Variants in EBF1 observed in about 807,000 individuals in gnomAD.
The protein encoded by EBF1 is EBF transcription factor 1, also known as transcription factor COE1.
A neutral mutation model predicts 68.4 loss-of-function variants in EBF1; 10 were observed. The observed-to-expected ratio is 0.15, with a 90% CI of 0.09 to 0.25. The LOEUF (loss-of-function observed/expected upper bound fraction) is 0.25. Ranked by LOEUF, EBF1 falls within the 10% of genes least tolerant of loss-of-function variation. The probability of loss-of-function intolerance (pLI) is 1.00; values close to 1 mark genes in which losing one functional copy is unlikely to be tolerated. For missense variants in EBF1, 509 were observed against 794.4 expected, an observed-to-expected ratio of 0.64 and a Z score of 4.32; for synonymous variants, 298 against 299.8, an observed-to-expected ratio of 0.99 and a Z score of 0.06.
At chr5:158,726,034 G>A (rs1293569122) in intron 11 of EBF1, among the ~76,000 whole-genome samples, 1 of 152,156 alleles carries the variant, frequency 6.6e-6, no homozygotes, top group Non-Finnish European at 1.5e-5. Context: ...CTTCTGACAA[G>A]CAGAAACATT....
At chr5:158,932,336 C>T (rs1337331744) in intron 6 of EBF1, among the ~76,000 whole-genome samples, 1 of 152,048 alleles carries the variant, frequency 6.6e-6, no homozygotes, top group Admixed American at 6.5e-5. Context: ...TCTCAGAATG[C>T]ATATTAATAA....
chr5:158,833,297 CAAA>C (rs56221213), intron 7 of EBF1, among the ~76,000 whole-genome samples: 8 of 135,362 alleles, frequency 5.9e-5, no homozygotes, highest in South Asian at 2.5e-4. Context: ...GACTCCATCT[CAAA>C]AAAAAAAAAA....
rs1162326007 is a variant in EBF1, at chr5:158,879,218, T to C, written c.555-39108A>G. Among the ~76,000 whole-genome samples the C allele has an allele frequency of 2.0e-5, 3 of 152,202 alleles. No individual in the cohort carries two copies. In the East Asian group the frequency reaches 5.8e-4, roughly 29 times the overall value. On this transcript the variant is annotated intron_variant, in intron 6 of 15. Coordinates refer to ENST00000313708, the MANE Select transcript of EBF1 (RefSeq NM_024007.5). ...TACAGTATGTAACTGGGCACATATATGTGATCAATGATCACAATGGTGAAC... is the reference window on the plus strand; with the variant it reads ...TACAGTATGTAACTGGGCACATATACGTGATCAATGATCACAATGGTGAAC...
chr5:159,016,542 T>C (rs970683469), intron 6 of EBF1, among the ~76,000 whole-genome samples: 6 of 152,170 alleles, frequency 3.9e-5, no homozygotes, highest in Non-Finnish European at 8.8e-5. Context: ...TTTCATCTAA[T>C]AGAAAATAAG....
At chr5:158,733,262 T>A (rs908564551) in intron 10 of EBF1, among the ~76,000 whole-genome samples, 3 of 152,200 alleles carry the variant, frequency 2.0e-5, no homozygotes, top group Non-Finnish European at 4.4e-5. Context: ...AAATGCATCA[T>A]TTTAATATCT....
intron 10 of EBF1, among the ~76,000 whole-genome samples, chr5:158,774,181 A>C (rs967541480): frequency 1.3e-5 from 2 of 152,068 alleles, no homozygotes; most frequent in Admixed American, 1.3e-4. Flanking sequence ...GCAGCTATGG[A>C]TTCCTCGTGC....
At chr5:158,746,558 C>A (rs1452015436) in intron 10 of EBF1, among the ~76,000 whole-genome samples, 2 of 152,068 alleles carry the variant, frequency 1.3e-5, no homozygotes. Context: ...TTCCTTCTAA[C>A]TGGAATTAAG....
intron 10 of EBF1, among the ~76,000 whole-genome samples, chr5:158,760,082 T>C (rs1190517487): frequency 6.6e-6 from 1 of 152,178 alleles, no homozygotes; most frequent in African/African-American, 2.4e-5. Flanking sequence ...GCCAAGTAGA[T>C]TTGTCCTTTA....
At chr5:158,908,641 T>C (rs1805191151) in intron 6 of EBF1, among the ~76,000 whole-genome samples, 1 of 152,208 alleles carries the variant, frequency 6.6e-6, no homozygotes, top group Non-Finnish European at 1.5e-5. Context: ...CCAACCTCAT[T>C]TTAAATATGG....
At chr5:158,783,271 T>C (rs574387494) in intron 9 of EBF1, among the ~76,000 whole-genome samples, 2 of 152,310 alleles carry the variant, frequency 1.3e-5, no homozygotes, top group South Asian at 4.1e-4. Flanking sequence ...ATGAGAAAAA[T>C]GTTATTTAAA....
intron 8 of EBF1, among the ~76,000 whole-genome samples, chr5:158,809,770 A>T (rs1416784243): frequency 6.6e-6 from 1 of 152,200 alleles, no homozygotes; most frequent in Non-Finnish European, 1.5e-5. Context: ...CTGAACATCT[A>T]ACACAAACGA....
Position 158,699,141 on chromosome 5 carries a change from C to T in EBF1, c.1746G>A (p.Ala582=), listed in dbSNP as rs772391057. The change falls in exon 16 of 16, where the codon GCG becomes GCA. Residue 582 remains alanine, a splice_region_variant and synonymous_variant. Transcript: ENST00000313708. ...TAGGAGGAACAATCATGCCAGATATCGCTATGAAAGAAAAGACAGAAGTCA... is the reference window on the plus strand; with the variant it reads ...TAGGAGGAACAATCATGCCAGATATTGCTATGAAAGAAAAGACAGAAGTCA... The part of the protein sequence containing the change: ...CTSTNGNSLQ[A]ISGMIVPPM 7 of 1,605,638 alleles carry T rather than the reference C, an allele frequency of 4.4e-6. No individual in the cohort carries two copies. The African/African-American group carries it at 8.1e-5, about 19-fold the overall frequency.
chr5:158,715,625 A>G (rs1467585165), intron 11 of EBF1, among the ~76,000 whole-genome samples: 1 of 152,224 alleles, frequency 6.6e-6, no homozygotes, highest in Non-Finnish European at 1.5e-5. Flanking sequence ...AGTAAAGAAC[A>G]TTATATAATC....
At chr5:158,812,183 TGTTA>T (rs1262685661) in intron 8 of EBF1, among the ~76,000 whole-genome samples, 1 of 152,154 alleles carries the variant, frequency 6.6e-6, no homozygotes, top group Non-Finnish European at 1.5e-5. Context: ...AATAAACATG[TGTTA>T]GTGTTAAATA....
chr5:158,835,081 T>TACCA (rs1788451673), intron 7 of EBF1, among the ~76,000 whole-genome samples: 1 of 152,190 alleles, frequency 6.6e-6, no homozygotes, highest in African/African-American at 2.4e-5. Context: ...CCAATTAGTG[T>TACCA]GCTATGAGAA....
intron 10 of EBF1, among the ~76,000 whole-genome samples, chr5:158,745,635 T>G (rs1767398607): frequency 6.6e-6 from 1 of 152,156 alleles, no homozygotes; most frequent in Non-Finnish European, 1.5e-5. Context: ...ATAATCTCAT[T>G]TGAATTTAGG....
intron 9 of EBF1, among the ~76,000 whole-genome samples, chr5:158,779,373 T>A (rs1360123292): frequency 6.6e-6 from 1 of 152,148 alleles, no homozygotes; most frequent in Non-Finnish European, 1.5e-5. Context: ...TCCTTTGTAA[T>A]CATAGAGAAA....
intron 2 of EBF1, 160 bp from the exon 3 acceptor site, chr5:159,096,566 C>T (rs1782645302): frequency 2.7e-6 from 2 of 748,802 alleles, no homozygotes; most frequent in Non-Finnish European, 2.2e-6. Context: ...GTGATCCCTC[C>T]TCCGCCCCCT....
intron 7 of EBF1, among the ~76,000 whole-genome samples, chr5:158,829,610 GTAT>G (rs1425713375): frequency 2.0e-5 from 3 of 152,068 alleles, no homozygotes; most frequent in South Asian, 2.1e-4. Context: ...GGTTGAGAAG[GTAT>G]TATATTTCTG....
Sources: allele counts gnomAD v4.1 joint callset (sites outside exome capture counted in the v4.1 genomes callset), GRCh38; gene constraint gnomAD v4.1.1; transcripts MANE v1.5; gene names NCBI Gene and HGNC (gene_info 2026-07-23, HGNC 2026-07-21).